The following SMAD2 variants were observed in gnomAD, a reference collection of about 807,000 sequenced individuals.
SMAD2 encodes the protein MAD homolog 2.
Under a neutral mutation model 64.4 loss-of-function variants are expected in SMAD2, and 8 were observed. That is an observed-to-expected ratio of 0.12 (90% CI 0.07 to 0.22). The LOEUF (loss-of-function observed/expected upper bound fraction) is 0.22, where lower values mean the gene tolerates loss of function less well. SMAD2 is among the 10% of genes least tolerant of loss of function. SMAD2 has a pLI of 1.00. For synonymous variants in SMAD2, 203 were observed against 195.8 expected (o/e 1.04, Z -0.31); for missense variants, 289 against 561.2 (o/e 0.51, Z 4.90).
intron 6 of SMAD2, among the ~76,000 whole-genome samples, chr18:47,855,102 T>C (rs755597200): frequency 1.3e-5 from 2 of 152,228 alleles, no homozygotes; most frequent in Non-Finnish European, 2.9e-5. Flanking sequence ...AGTCTTCATT[T>C]AACATCTTCC....
intron 1 of SMAD2, chr18:47,912,208 G>C (rs556374464): frequency 6.6e-6 from 1 of 152,328 alleles, no homozygotes; most frequent in South Asian, 2.1e-4. Context: ...GGCAGAAGAT[G>C]AGGGGAAAAT....
At chr18:47,898,454 G>GA (rs1424364249) in intron 1 of SMAD2, among the ~76,000 whole-genome samples, 3 of 151,978 alleles carry the variant, frequency 2.0e-5, no homozygotes, top group South Asian at 2.1e-4. Flanking sequence ...ATTTTTAAAG[G>GA]AAAAAAACAG....
intron 3 of SMAD2, 68 bp downstream of exon 3, chr18:47,870,407 A>C: frequency 8.9e-7 from 1 of 1,119,160 alleles, no homozygotes; most frequent in Non-Finnish European, 1.4e-6. Context: ...GCAACCCCAT[A>C]TAGGTCTTTC....
intron 1 of SMAD2, among the ~76,000 whole-genome samples, chr18:47,899,043 G>A (rs1196265256): frequency 6.6e-6 from 1 of 152,036 alleles, no homozygotes; most frequent in Non-Finnish European, 1.5e-5. Flanking sequence ...ATGGAGAAGG[G>A]GTAAGTTTTT....
At chr18:47,862,439 CTCTTAAGCTTTT>C (rs2031256081) in intron 6 of SMAD2, among the ~76,000 whole-genome samples, 2 of 152,214 alleles carry the variant, frequency 1.3e-5, no homozygotes, top group Non-Finnish European at 2.9e-5. Context: ...CCATGCCTTT[CTCTTAAGCTTTT>C]GGGTTTCCCA....
Position 47,835,271 on chromosome 18 carries a change from T to A in SMAD2, c.*6556A>T, listed in dbSNP as rs1362163540. The A allele has an allele frequency of 4.7e-6, 1 of 213,216 alleles. No homozygotes were observed. The highest frequency in any genetic ancestry group is 9.5e-6 in the Non-Finnish European group (1 of 105,364). 13.2% of individuals were successfully genotyped at this position (213,216 alleles called of 1,614,324 possible). A position where few individuals can be genotyped will look rare whatever the true frequency, so the allele number is the denominator to read the frequency against. On this transcript the variant is annotated 3_prime_UTR_variant, in exon 11 of 11. Coordinates refer to ENST00000262160, the MANE Select transcript of SMAD2 (RefSeq NM_005901.6). ...ATATTTTGTCAAACAGTTGGGTTTT[T>A]AAAAAAATTCAAAACTCATGCATGT...
Position 47,821,624 on chromosome 18 carries a change from G to A in SMAD2, c.*20203C>T, listed in dbSNP as rs1912579593. On this transcript the variant is annotated 3_prime_UTR_variant, in exon 11 of 11. Transcript: ENST00000262160. ...ATTAAATTCAAGTACCTTTTCATCA[G>A]ATTCAACTTTCAGTATATCCAAATA... 2 of 152,186 alleles carry A rather than the reference G, an allele frequency of 1.3e-5. No homozygotes were observed. Among genetic ancestry groups the A allele is most frequent in the Admixed American group, 6.5e-5 (1 of 15,280 alleles). The allele number at this position is 152,186 out of a possible 1,614,324, so 9.4% of individuals were successfully genotyped here.
At chr18:47,866,316 C>CAAAAAAAAAAAAAAAAAA (rs34302955) in intron 5 of SMAD2, among the ~76,000 whole-genome samples, 1 of 42,096 alleles carries the variant, frequency 2.4e-5, no homozygotes, top group African/African-American at 1.0e-4. Flanking sequence ...AACACCGTCT[C>CAAAAAAAAAAAAAAAAAA]AAAAAAAAAA....
Position 47,882,443 on chromosome 18 carries a change from T to C in SMAD2, c.237-11879A>G, listed in dbSNP as rs544295832. 2.0e-5 allele frequency: 3 copies of C among 152,802 alleles called. No individual in the cohort carries two copies. In the East Asian group the frequency reaches 5.8e-4, roughly 29 times the overall value. The allele number at this position is 152,802 out of a possible 1,614,324, so 9.5% of individuals were successfully genotyped here. On this transcript the variant is annotated intron_variant, in intron 2 of 10. Transcript: ENST00000262160. ...AACTCCTAGGCTTAAGCAATCCTCCTGCCTTGGCCTCCCAAAGTGCTGGGA... is the reference window on the plus strand; with the variant it reads ...AACTCCTAGGCTTAAGCAATCCTCCCGCCTTGGCCTCCCAAAGTGCTGGGA...
intron 7 of SMAD2, among the ~76,000 whole-genome samples, chr18:47,849,451 G>C (rs1914867990): frequency 6.7e-6 from 1 of 149,108 alleles, no homozygotes; most frequent in African/African-American, 2.5e-5. Context: ...AGGGTAAAAT[G>C]AGGGCAAAAA....
intron 1 of SMAD2, among the ~76,000 whole-genome samples, chr18:47,898,329 T>C (rs1213057433): frequency 6.6e-6 from 1 of 152,168 alleles, no homozygotes; most frequent in Non-Finnish European, 1.5e-5. Context: ...AGGATATTAA[T>C]ATGGGTTGCA....
At chr18:47,856,854 ATTTTTTT>A (rs758202544) in intron 6 of SMAD2, among the ~76,000 whole-genome samples, 2 of 123,284 alleles carry the variant, frequency 1.6e-5, no homozygotes, top group African/African-American at 3.0e-5. Context: ...AACTATGCTA[ATTTTTTT>A]TTTTTTTTTT....
intron 2 of SMAD2, among the ~76,000 whole-genome samples, chr18:47,894,209 T>C (rs1012711831): frequency 3.9e-5 from 6 of 152,196 alleles, no homozygotes; most frequent in Non-Finnish European, 8.8e-5. Context: ...CTTGTTGAAG[T>C]TGTGCAAAAA....
intron 1 of SMAD2, among the ~76,000 whole-genome samples, chr18:47,899,365 T>C (rs2033583722): frequency 6.6e-6 from 1 of 151,376 alleles, no homozygotes; most frequent in African/African-American, 2.4e-5. Context: ...GCAATGCTGG[T>C]ATATGGGAGA....
chr18:47,850,248 A>ATATATATTATGTATAATATATAT (rs1915043560), intron 7 of SMAD2, among the ~76,000 whole-genome samples: 2 of 75,524 alleles, frequency 2.6e-5, no homozygotes, highest in Non-Finnish European at 4.6e-5. Context: ...ATTATATATT[A>ATATATATTATGTATAATATATAT]TATATATTAT....
Position 47,870,465 on chromosome 18 carries a change from G to T in SMAD2, c.326+10C>A. 6.3e-7 allele frequency: 1 copy of T among 1,596,346 alleles called. No homozygotes were observed. Among genetic ancestry groups the T allele is most frequent in the South Asian group, 1.1e-5 (1 of 90,708 alleles). On this transcript the variant is annotated intron_variant, in intron 3 of 10. Transcript: ENST00000262160. ...GATCTCTAAGATTCGACAGAGGGCA[G>T]AATATTCACCTGGTTTGTTCAGAGA...
At chr18:47,876,129 A>G (rs1191339417) in intron 2 of SMAD2, among the ~76,000 whole-genome samples, 1 of 152,062 alleles carries the variant, frequency 6.6e-6, no homozygotes, top group Non-Finnish European at 1.5e-5. Context: ...TAAAATCAAC[A>G]TATCCTAAAG....
chr18:47,845,179 AAC>A, intron 10 of SMAD2, 159 bp downstream of exon 10: 3 of 735,230 alleles, frequency 4.1e-6, no homozygotes, highest in Middle Eastern at 3.2e-4. Flanking sequence ...AGTAATTTGC[AAC>A]AGTTTTGAAT....
chr18:47,866,210 GGAGGCT>G (rs2031541380), intron 5 of SMAD2, among the ~76,000 whole-genome samples: 1 of 150,826 alleles, frequency 6.6e-6, no homozygotes. Context: ...CAGTTACTAG[GGAGGCT>G]GAGGCAGGAG....
Sources: allele counts gnomAD v4.1 joint callset (sites outside exome capture counted in the v4.1 genomes callset), GRCh38; gene constraint gnomAD v4.1.1; transcripts MANE v1.5; gene names NCBI Gene and HGNC (gene_info 2026-07-23, HGNC 2026-07-21).